LINGO2: variants seen among roughly 807,000 people sequenced by gnomAD.
LINGO2 encodes leucine rich repeat and Ig domain containing 2, also known as leucine-rich repeat and immunoglobulin-like domain-containing nogo receptor-interacting protein 2.
LINGO2 carries 14 observed loss-of-function variants against 30.6 expected under a neutral mutation model. The ratio of observed to expected loss-of-function variants is 0.46; its 90% CI spans 0.30 to 0.72. The LOEUF is 0.72. Among genes scored for constraint, LINGO2 ranks in the 30% least tolerant of loss-of-function variants. The pLI is 0.07. For missense variants in LINGO2, 729 were observed against 751.7 expected, an observed-to-expected ratio of 0.97 and a Z score of 0.35; for synonymous variants, 317 against 288.5, an observed-to-expected ratio of 1.10 and a Z score of -1.00.
chr9:29,027,510 G>C, the LINGO2 span, among the ~76,000 whole-genome samples: 2 of 151,978 alleles, frequency 1.3e-5, no homozygotes, highest in Non-Finnish European at 2.9e-5. Context: ...GCAAATTTTT[G>C]TATTTTTAGT....
the LINGO2 span, among the ~76,000 whole-genome samples, chr9:28,872,569 A>G: frequency 3.3e-4 from 50 of 152,274 alleles, no homozygotes; most frequent in Middle Eastern, 3.4e-3. Context: ...TTCATGGCAA[A>G]AAGATTCCAT....
intron 4 of LINGO2, among the ~76,000 whole-genome samples, chr9:28,074,434 A>G (rs924104510): frequency 6.6e-6 from 1 of 152,174 alleles, no homozygotes; most frequent in Non-Finnish European, 1.5e-5. Flanking sequence ...CCTTTATTGG[A>G]TCATGTCGTA....
chr9:28,399,121 C>T (rs1284183281), intron 2 of LINGO2, among the ~76,000 whole-genome samples: 1 of 152,280 alleles, frequency 6.6e-6, no homozygotes, highest in Middle Eastern at 3.4e-3. Flanking sequence ...AAGAGAAAAT[C>T]TGCCAAAGAA....
chr9:28,331,359 T>C (rs1365871094), intron 3 of LINGO2, among the ~76,000 whole-genome samples: 1 of 151,942 alleles, frequency 6.6e-6, no homozygotes, highest in Non-Finnish European at 1.5e-5. Flanking sequence ...TCAAGTAGAG[T>C]TGAAAATGCT....
the LINGO2 span, among the ~76,000 whole-genome samples, chr9:28,714,164 A>AATATATATATATATGTATATATAT: frequency 8.5e-6 from 1 of 117,158 alleles, no homozygotes; most frequent in Non-Finnish European, 1.7e-5. Context: ...TGCCTCAAAT[A>AATATATATATATATGTATATATAT]ATATATATAT....
At chr9:28,795,983 T>TACATAC in the LINGO2 span, among the ~76,000 whole-genome samples, 3 of 138,250 alleles carry the variant, frequency 2.2e-5, no homozygotes, top group African/African-American at 5.5e-5. Context: ...CAGTACTAGA[T>TACATAC]ACACACACAC....
chr9:29,119,965 G>C, the LINGO2 span, among the ~76,000 whole-genome samples: 3 of 152,146 alleles, frequency 2.0e-5, no homozygotes, highest in Non-Finnish European at 4.4e-5. Flanking sequence ...AAATGCAAGA[G>C]GTTTGGCAGG....
intron 5 of LINGO2, among the ~76,000 whole-genome samples, chr9:27,955,964 A>C (rs1340519113): frequency 2.1e-5 from 2 of 96,352 alleles, no homozygotes; most frequent in Non-Finnish European, 4.1e-5. Flanking sequence ...TTTGAGACGG[A>C]GTTTCGCTCT....
At chr9:28,539,025 T>C (rs1275139570) in intron 1 of LINGO2, among the ~76,000 whole-genome samples, 3 of 151,952 alleles carry the variant, frequency 2.0e-5, no homozygotes, top group African/African-American at 7.2e-5. Flanking sequence ...AGCTCAGAGA[T>C]TTTTCAATTA....
At chr9:28,915,387 G>A in the LINGO2 span, among the ~76,000 whole-genome samples, 1 of 152,098 alleles carries the variant, frequency 6.6e-6, no homozygotes, top group Non-Finnish European at 1.5e-5. Flanking sequence ...CAGAGTTTCT[G>A]AATCATAGGT....
chr9:28,272,457 C>T (rs1822975669), intron 4 of LINGO2, among the ~76,000 whole-genome samples: 1 of 151,842 alleles, frequency 6.6e-6, no homozygotes, highest in African/African-American at 2.4e-5. Flanking sequence ...ACATGGCTTT[C>T]TCCTTCTCAA....
chr9:28,917,611 A>G, the LINGO2 span, among the ~76,000 whole-genome samples: 1 of 152,016 alleles, frequency 6.6e-6, no homozygotes, highest in African/African-American at 2.4e-5. Context: ...CACCACCAGA[A>G]TAAGTTTTAA....
chr9:28,151,724 T>A (rs551165738), intron 4 of LINGO2, among the ~76,000 whole-genome samples: 6 of 152,100 alleles, frequency 3.9e-5, no homozygotes, highest in African/African-American at 1.4e-4. Context: ...AGAGTTTTTT[T>A]ATATTCTAAA....
chr9:29,131,059 C>G, the LINGO2 span, among the ~76,000 whole-genome samples: 1 of 152,130 alleles, frequency 6.6e-6, no homozygotes, highest in African/African-American at 2.4e-5. Flanking sequence ...TTACTGTAAC[C>G]TGGATAATAG....
chr9:27,997,727 G>A (rs1821739769), intron 5 of LINGO2, among the ~76,000 whole-genome samples: 1 of 152,102 alleles, frequency 6.6e-6, no homozygotes, highest in Non-Finnish European at 1.5e-5. Context: ...GTATCTTTTT[G>A]CCTTGTCTGT....
chr9:28,427,359 C>T (rs545061381), intron 2 of LINGO2, among the ~76,000 whole-genome samples: 5 of 152,128 alleles, frequency 3.3e-5, no homozygotes, highest in East Asian at 1.9e-4. Flanking sequence ...TATGAAGGCC[C>T]GGTGTGTATG....
At chr9:28,934,807 C>T in the LINGO2 span, among the ~76,000 whole-genome samples, 1 of 152,104 alleles carries the variant, frequency 6.6e-6, no homozygotes, top group Non-Finnish European at 1.5e-5. Context: ...TCAATTTCCT[C>T]AATTTTGTAC....
intron 4 of LINGO2, among the ~76,000 whole-genome samples, chr9:28,088,554 T>G (rs151159186): frequency 1.7e-3 from 262 of 152,114 alleles, no homozygotes; most frequent in Middle Eastern, 0.014. Context: ...GTCTAAGTCC[T>G]CTGGGTACTG....
At chr9:28,042,991 C>A (rs1326051884) in intron 4 of LINGO2, among the ~76,000 whole-genome samples, 1 of 152,142 alleles carries the variant, frequency 6.6e-6, no homozygotes, top group Non-Finnish European at 1.5e-5. Context: ...CTTTAAGGGT[C>A]TAATGCAATG....
Sources: allele counts gnomAD v4.1 joint callset (sites outside exome capture counted in the v4.1 genomes callset), GRCh38; gene constraint gnomAD v4.1.1; transcripts MANE v1.5; gene names NCBI Gene and HGNC (gene_info 2026-07-23, HGNC 2026-07-21).